The following ATP8B1 variants were observed in gnomAD, a reference collection of about 807,000 sequenced individuals.
ATP8B1 encodes the protein phospholipid-transporting ATPase IC.
ATP8B1 carries 80 observed loss-of-function variants against 149.9 expected under a neutral mutation model. The observed-to-expected ratio is 0.53, with a 90% CI of 0.45 to 0.64. The LOEUF (loss-of-function observed/expected upper bound fraction) is 0.64, where lower values mean the gene tolerates loss of function less well. Among genes scored for constraint, ATP8B1 ranks in the 30% least tolerant of loss-of-function variants. ATP8B1 has a pLI of 0.00. For synonymous variants in ATP8B1, 536 were observed against 562.8 expected, an observed-to-expected ratio of 0.95 and a Z score of 0.67; for missense variants, 1,247 against 1,552.6, an observed-to-expected ratio of 0.80 and a Z score of 3.31.
At chr18:57,781,600 T>A (rs116872525) in intron 1 of ATP8B1, among the ~76,000 whole-genome samples, 3 of 152,224 alleles carry the variant, frequency 2.0e-5, no homozygotes, top group Non-Finnish European at 4.4e-5. Context: ...GAATGCCTAC[T>A]AGGTTGTGGA....
chr18:57,729,713 G>A (rs1192456313), intron 2 of ATP8B1, among the ~76,000 whole-genome samples: 1 of 151,918 alleles, frequency 6.6e-6, no homozygotes, highest in Non-Finnish European at 1.5e-5. Context: ...ACCACGCCTG[G>A]CTAATTTTTG....
At chr18:57,687,935 A>C (rs1169716130) in intron 13 of ATP8B1, among the ~76,000 whole-genome samples, 1 of 151,974 alleles carries the variant, frequency 6.6e-6, no homozygotes, top group Non-Finnish European at 1.5e-5. Flanking sequence ...GTGCGCCACC[A>C]CCACACCTGG....
At chr18:57,652,282 T>G in intron 25 of ATP8B1, 110 bp from the exon 26 acceptor site, 1 of 1,497,278 alleles carries the variant, frequency 6.7e-7, no homozygotes, top group Non-Finnish European at 9.2e-7. Context: ...TGATGTGGCT[T>G]GAATACTGGA....
chr18:57,743,854 C>T (rs1180042078), intron 1 of ATP8B1, among the ~76,000 whole-genome samples: 2 of 152,096 alleles, frequency 1.3e-5, no homozygotes, highest in East Asian at 3.9e-4. Context: ...GGAAGGGTGA[C>T]TGGGAAGGTG....
chr18:57,800,932 C>A (rs995565721), intron 1 of ATP8B1, among the ~76,000 whole-genome samples: 2 of 152,188 alleles, frequency 1.3e-5, no homozygotes, highest in African/African-American at 4.8e-5. Context: ...GCACTAAGAT[C>A]CCCTAGACTG....
intron 1 of ATP8B1, among the ~76,000 whole-genome samples, chr18:57,752,875 C>T (rs2080035840): frequency 6.6e-6 from 1 of 152,104 alleles, no homozygotes; most frequent in Non-Finnish European, 1.5e-5. Context: ...TAAAGAACTA[C>T]CAAATGTAGA....
Position 57,707,415 on chromosome 18 carries a change from C to CT in ATP8B1, c.182-829dup, listed in dbSNP as rs149111320. 6.2e-3 allele frequency among the ~76,000 whole-genome samples: 923 copies of CT among 149,968 alleles called. 5 individuals carry two copies. Among genetic ancestry groups the CT allele is most frequent in the African/African-American group, 0.021 (857 of 41,466 alleles). ...TGAGTGACGCACATAATGGAGAGAA[C>CT]TAGGTGTTGATGAATCCCCACCAAA... On this transcript the variant is annotated intron_variant, in intron 2 of 27. Coordinates refer to ENST00000648908, the MANE Select transcript of ATP8B1 (RefSeq NM_001374385.1).
At position 57,731,649 on chromosome 18, in the gene ATP8B1, C is replaced by A. The variant is rs771902027; in HGVS notation, c.159G>T (p.Glu53Asp). ...EQNRVNREAE[E>D]NREPFRKECT... ...TACCTTTTCTGAATGGCTCCCGGTTCTCCTCTGCTTCCCTGTTGACTCGGT... is the reference window on the plus strand; with the variant it reads ...TACCTTTTCTGAATGGCTCCCGGTTATCCTCTGCTTCCCTGTTGACTCGGT... The change falls in exon 2 of 28, where the codon GAG becomes GAT. Residue 53 changes from glutamate (E) to aspartate (D), a missense_variant. Physicochemically the swap from Glu to Asp is conservative, Grantham distance 45 (BLOSUM62 2). Coordinates refer to ENST00000648908, the MANE Select transcript of ATP8B1 (RefSeq NM_001374385.1). 5 of 1,614,084 alleles carry A rather than the reference C, an allele frequency of 3.1e-6. No homozygotes were observed. The highest frequency in any genetic ancestry group is 1.1e-5 in the South Asian group (1 of 91,080).
chr18:57,725,574 G>A (rs1222931774), intron 2 of ATP8B1, among the ~76,000 whole-genome samples: 1 of 152,126 alleles, frequency 6.6e-6, no homozygotes, highest in East Asian at 1.9e-4. Flanking sequence ...AAAAGCCACA[G>A]CTAATCTAAG....
intron 1 of ATP8B1, among the ~76,000 whole-genome samples, chr18:57,762,716 A>G (rs1285241732): frequency 6.6e-6 from 1 of 152,226 alleles, no homozygotes; most frequent in Non-Finnish European, 1.5e-5. Context: ...CAGCACCATA[A>G]ACATGAACCT....
chr18:57,743,328 C>T (rs773419641), intron 1 of ATP8B1, among the ~76,000 whole-genome samples: 2 of 152,150 alleles, frequency 1.3e-5, no homozygotes, highest in Non-Finnish European at 2.9e-5. Flanking sequence ...CCACTCCCAA[C>T]ATCACCTACT....
chr18:57,669,450 G>T lies in ATP8B1; in HGVS notation c.1965C>A (p.Cys655Ter), dbSNP rs758992225. 1.9e-6 allele frequency: 3 copies of T among 1,613,200 alleles called. No individual in the cohort carries two copies. The highest frequency in any genetic ancestry group is 4.5e-5 in the East Asian group (2 of 44,834). ...TTTCTTCAATTTCCTTGTAGCAAAG[G>T]CATAGGGTTCTAAGAGTTTCATTTG... is the stretch of plus-strand genomic sequence containing the variant. Reference protein sequence around the residue: ...IFANETLRTLCLCYKEIEEKE... With the variant: ...IFANETLRTL The change falls in exon 18 of 28, where the codon TGC (cysteine) becomes TGA (stop). Residue 655 changes from cysteine to a stop codon, truncating the protein, a stop_gained. Transcript: ENST00000648908. LOFTEE classifies it high-confidence loss of function.
At chr18:57,731,865 G>A in intron 1 of ATP8B1, 33 bp from the exon 2 acceptor site, 1 of 1,603,322 alleles carries the variant, frequency 6.2e-7, no homozygotes, top group Non-Finnish European at 8.5e-7. Flanking sequence ...AGTGAATTAT[G>A]ACTCTTGCCC....
chr18:57,726,514 A>G (rs1249539673), intron 2 of ATP8B1, among the ~76,000 whole-genome samples: 2 of 152,178 alleles, frequency 1.3e-5, no homozygotes, highest in Admixed American at 1.3e-4. Flanking sequence ...GGCTGGGTCC[A>G]GGCACCTAGA....
chr18:57,768,557 C>A (rs2080238045), intron 1 of ATP8B1, among the ~76,000 whole-genome samples: 2 of 98,806 alleles, frequency 2.0e-5, no homozygotes, highest in South Asian at 3.3e-4. Context: ...GATTAGAATT[C>A]TAAAAGGCCA....
intron 20 of ATP8B1, among the ~76,000 whole-genome samples, chr18:57,666,024 A>G (rs1441014577): frequency 6.6e-6 from 1 of 152,174 alleles, no homozygotes; most frequent in African/African-American, 2.4e-5. Flanking sequence ...ATGCTTTATC[A>G]CCATCATTAG....
intron 12 of ATP8B1, among the ~76,000 whole-genome samples, chr18:57,690,427 GT>G (rs1304603968): frequency 1.3e-5 from 2 of 152,184 alleles, no homozygotes; most frequent in Non-Finnish European, 1.5e-5. Context: ...GCTCCAGCAT[GT>G]TTTCAAAGGA....
chr18:57,708,584 C>G (rs1913532947), intron 2 of ATP8B1: 1 of 152,190 alleles, frequency 6.6e-6, no homozygotes, highest in South Asian at 2.1e-4. Context: ...CACATCCCCA[C>G]CACCAGGGTT....
chr18:57,705,753 G>A (rs1044430439), intron 3 of ATP8B1, among the ~76,000 whole-genome samples: 12 of 152,226 alleles, frequency 7.9e-5, no homozygotes, highest in African/African-American at 2.7e-4. Context: ...TGCATCAGGA[G>A]AGAGTAAACT....
Sources: allele counts gnomAD v4.1 joint callset (sites outside exome capture counted in the v4.1 genomes callset), GRCh38; gene constraint gnomAD v4.1.1; transcripts MANE v1.5; gene names NCBI Gene and HGNC (gene_info 2026-07-23, HGNC 2026-07-21).